The following KAZN variants were observed in gnomAD, a reference collection of about 807,000 sequenced individuals.
The protein encoded by KAZN is kazrin.
Under a neutral mutation model 87.4 loss-of-function variants are expected in KAZN, and 40 were observed. That is an observed-to-expected ratio of 0.46 (90% CI 0.36 to 0.60). The LOEUF (loss-of-function observed/expected upper bound fraction) is 0.60, where lower values mean the gene tolerates loss of function less well. KAZN is among the 20% of genes least tolerant of loss of function. The probability of loss-of-function intolerance (pLI) is 0.00; values close to 1 mark genes in which losing one functional copy is unlikely to be tolerated. For synonymous variants in KAZN, 466 were observed against 458.3 expected (o/e 1.02, Z -0.22); for missense variants, 898 against 1,073.9 (o/e 0.84, Z 2.29).
chr1:14,295,551 G>A (rs1433879306), intron 2 of KAZN, among the ~76,000 whole-genome samples: 1 of 151,998 alleles, frequency 6.6e-6, no homozygotes, highest in South Asian at 2.1e-4. Flanking sequence ...ACACAGACAT[G>A]CAGAGAGACC....
intron 2 of KAZN, among the ~76,000 whole-genome samples, chr1:14,210,684 T>G (rs1646835954): frequency 6.6e-6 from 1 of 152,298 alleles, no homozygotes; most frequent in South Asian, 2.1e-4. Context: ...CAATTAAAAC[T>G]GAAGCATTTT....
At chr1:14,801,412 G>A (rs531150646) in intron 1 of KAZN, among the ~76,000 whole-genome samples, 4 of 152,276 alleles carry the variant, frequency 2.6e-5, no homozygotes, top group East Asian at 1.9e-4. Context: ...GGCAGGTGAC[G>A]ACACATTCCG....
chr1:15,039,973 T>A (rs947255221), intron 3 of KAZN, among the ~76,000 whole-genome samples: 2 of 152,220 alleles, frequency 1.3e-5, no homozygotes, highest in Non-Finnish European at 2.9e-5. Flanking sequence ...TTTAAAAAAA[T>A]TAATACCTTA....
intron 1 of KAZN, among the ~76,000 whole-genome samples, chr1:14,631,457 A>G (rs979872759): frequency 5.3e-5 from 8 of 152,334 alleles, no homozygotes; most frequent in African/African-American, 1.4e-4. Context: ...ACTGAGCCTC[A>G]GAAAGGTGGC....
chr1:13,983,919 A>C (rs7533546), intron 1 of KAZN, among the ~76,000 whole-genome samples: 59,200 of 151,972 alleles, frequency 0.39, 12,453 homozygotes, highest in Admixed American at 0.56. Flanking sequence ...AGGTTCTTAT[A>C]CTTCTCAACT....
intron 1 of KAZN, among the ~76,000 whole-genome samples, chr1:13,997,508 T>A (rs1373305427): frequency 2.0e-5 from 3 of 151,430 alleles, no homozygotes; most frequent in Non-Finnish European, 4.4e-5. Flanking sequence ...GAATAACCAG[T>A]TTTGAAAGGA....
At chr1:14,742,223 A>G (rs558240912) in intron 1 of KAZN, among the ~76,000 whole-genome samples, 108 of 152,330 alleles carry the variant, frequency 7.1e-4, no homozygotes, top group African/African-American at 2.5e-3. Flanking sequence ...GCCTGTTCCC[A>G]GCATCTAGAA....
intron 1 of KAZN, among the ~76,000 whole-genome samples, chr1:14,883,842 A>G (rs1315983646): frequency 3.3e-5 from 5 of 152,134 alleles, no homozygotes; most frequent in Non-Finnish European, 5.9e-5. Context: ...GTTTTCTTTA[A>G]ATCATCAAAC....
At chr1:14,218,589 G>C (rs1161565910) in intron 2 of KAZN, among the ~76,000 whole-genome samples, 1 of 152,118 alleles carries the variant, frequency 6.6e-6, no homozygotes, top group Non-Finnish European at 1.5e-5. Context: ...ACAAAGATCA[G>C]ACAATTTATG....
rs369324622 is a variant in KAZN at position 15,034,665 on chromosome 1, C to T, written c.419-84C>T. 2.2e-5 allele frequency: 33 copies of T among 1,507,214 alleles called. No individual in the cohort carries two copies. In the South Asian group the frequency reaches 2.9e-4, roughly 13 times the overall value. The allele number at this position is 1,507,214 out of a possible 1,614,324, so 93.4% of individuals were successfully genotyped here. A position where few individuals can be genotyped will look rare whatever the true frequency, so the allele number is the denominator to read the frequency against. Reference sequence around the variant, plus strand: ...GTTTTCTCACCTGTTACAAAGGTGACGGCGGTGATGCCACTTCTCAGCACT... The same window carrying T: ...GTTTTCTCACCTGTTACAAAGGTGATGGCGGTGATGCCACTTCTCAGCACT... On this transcript the variant is annotated intron_variant, in intron 2 of 14. Transcript: ENST00000376030.
In KAZN at chr1:14,911,654, G is replaced by A. The variant is rs530090592; in HGVS notation, c.227-49030G>A. Among the ~76,000 whole-genome samples the A allele has an allele frequency of 1.1e-3, 172 of 152,260 alleles. 1 individual carries two copies. Among genetic ancestry groups the A allele is most frequent in the Middle Eastern group, 3.4e-3 (1 of 294 alleles). Reference sequence around the variant, plus strand: ...GGCACTGATGGTGCAGCTCTGGAACGGTTCCCTAGCTAGGAGGTGCCCAGG... The same window carrying A: ...GGCACTGATGGTGCAGCTCTGGAACAGTTCCCTAGCTAGGAGGTGCCCAGG... On this transcript the variant is annotated intron_variant, in intron 1 of 14. Coordinates refer to ENST00000376030, the MANE Select transcript of KAZN (RefSeq NM_201628.3).
intron 1 of KAZN, among the ~76,000 whole-genome samples, chr1:14,880,226 T>G (rs564918003): frequency 6.6e-6 from 1 of 152,264 alleles, no homozygotes; most frequent in African/African-American, 2.4e-5. Context: ...CTGGACTAAA[T>G]GCTTTAGGTA....
intron 1 of KAZN, among the ~76,000 whole-genome samples, chr1:14,016,817 CAG>C (rs1640593688): frequency 6.6e-6 from 1 of 152,124 alleles, no homozygotes; most frequent in African/African-American, 2.4e-5. Flanking sequence ...ACAAAGAAAA[CAG>C]AGAAGCGGGG....
At chr1:14,166,947 T>A (rs1645840975) in intron 1 of KAZN, among the ~76,000 whole-genome samples, 1 of 152,216 alleles carries the variant, frequency 6.6e-6, no homozygotes, top group South Asian at 2.1e-4. Context: ...AAGAATAAGT[T>A]GCAAATATCC....
chr1:14,652,374 T>C (rs755351929), intron 1 of KAZN, among the ~76,000 whole-genome samples: 1 of 149,326 alleles, frequency 6.7e-6, no homozygotes, highest in African/African-American at 2.5e-5. Flanking sequence ...TGGAATTTTT[T>C]CTACCTTCTT....
chr1:14,654,505 G>A (rs1196375990), intron 1 of KAZN, among the ~76,000 whole-genome samples: 4 of 151,950 alleles, frequency 2.6e-5, no homozygotes, highest in African/African-American at 9.7e-5. Context: ...GGAGTTTCAT[G>A]CAAAATAGCC....
At chr1:13,952,387 C>A (rs1046283357) in intron 1 of KAZN, among the ~76,000 whole-genome samples, 2 of 150,596 alleles carry the variant, frequency 1.3e-5, no homozygotes, top group Non-Finnish European at 3.0e-5. Flanking sequence ...ATATCAATAT[C>A]TGCTCTTTTG....
At chr1:14,905,559 G>A (rs573408614) in intron 1 of KAZN, among the ~76,000 whole-genome samples, 3 of 152,300 alleles carry the variant, frequency 2.0e-5, no homozygotes, top group East Asian at 1.9e-4. Context: ...AAATAATACA[G>A]CACAGGCTGG....
intron 1 of KAZN, among the ~76,000 whole-genome samples, chr1:13,964,277 T>G (rs760141567): frequency 2.0e-5 from 3 of 152,152 alleles, no homozygotes; most frequent in African/African-American, 7.2e-5. Flanking sequence ...GTAAGTGTAT[T>G]TTATAGTGTA....
Sources: allele counts gnomAD v4.1 joint callset (sites outside exome capture counted in the v4.1 genomes callset), GRCh38; gene constraint gnomAD v4.1.1; transcripts MANE v1.5; gene names NCBI Gene and HGNC (gene_info 2026-07-23, HGNC 2026-07-21).